Variants in TRPV3 observed in about 807,000 individuals in gnomAD.
TRPV3 encodes transient receptor potential cation channel subfamily V member 3.
TRPV3 carries 88 observed loss-of-function variants against 87.1 expected under a neutral mutation model. The observed-to-expected ratio is 1.01, with a 90% CI of 0.85 to 1.21. The LOEUF (loss-of-function observed/expected upper bound fraction) is 1.21. TRPV3 is among the 50% of genes most tolerant of loss of function. The probability of loss-of-function intolerance (pLI) is 0.00; values close to 1 mark genes in which losing one functional copy is unlikely to be tolerated. For missense variants in TRPV3, 1,054 were observed against 1,030.1 expected (o/e 1.02, Z -0.32); for synonymous variants, 438 against 423.3 (o/e 1.03, Z -0.43).
chr17:3,544,946 G>A (rs2074509896), intron 3 of TRPV3, among the ~76,000 whole-genome samples: 1 of 152,298 alleles, frequency 6.6e-6, no homozygotes, highest in African/African-American at 2.4e-5. Context: ...CCTGGGAGGT[G>A]GAGGCTGCAG....
At position 3,512,251 on chromosome 17, in the gene TRPV3, C is replaced by T. The variant is rs1030433803; in HGVS notation, c.*1666G>A. The T allele has an allele frequency of 6.6e-6, 1 of 152,306 alleles. No individual in the cohort carries two copies. The highest frequency in any genetic ancestry group is 2.4e-5 in the African/African-American group (1 of 41,462). The allele number at this position is 152,306 out of a possible 1,614,324, so 9.4% of individuals were successfully genotyped here. ...TCCAGAGGCCCATGCCCAGCCCCGA[C>T]CACTGTGGCTTAGAGCACGCGATTA... On this transcript the variant is annotated 3_prime_UTR_variant, in exon 18 of 18. Transcript: ENST00000576742.
chr17:3,527,321 C>T (rs934297524), intron 11 of TRPV3, among the ~76,000 whole-genome samples: 5 of 152,304 alleles, frequency 3.3e-5, no homozygotes, highest in African/African-American at 1.2e-4. Flanking sequence ...TCCTACCCCA[C>T]CAGAGTAAGT....
At chr17:3,525,272 G>A (rs530491076) in intron 12 of TRPV3, among the ~76,000 whole-genome samples, 18 of 152,104 alleles carry the variant, frequency 1.2e-4, no homozygotes, top group East Asian at 3.8e-4. Flanking sequence ...CACCCACCTC[G>A]GCCTCCCAAA....
At chr17:3,516,782 G>A (rs545327568) in intron 15 of TRPV3, among the ~76,000 whole-genome samples, 2 of 152,346 alleles carry the variant, frequency 1.3e-5, no homozygotes, top group African/African-American at 2.4e-5. Flanking sequence ...GCCAAGGTGC[G>A]TGGATCACCT....
intron 1 of TRPV3, 32 bp from the exon 2 acceptor site, chr17:3,554,884 C>T: frequency 1.3e-6 from 2 of 1,508,500 alleles, no homozygotes; most frequent in Admixed American, 1.8e-5. Flanking sequence ...GATGCTCAGG[C>T]CGGGGGGACA....
At position 3,513,556 on chromosome 17, in the gene TRPV3, G is replaced by A. The variant is rs1284579492; in HGVS notation, c.*361C>T. 1.0e-5 allele frequency: 2 copies of A among 197,448 alleles called. No homozygotes were observed. Among genetic ancestry groups the A allele is most frequent in the African/African-American group, 2.3e-5 (1 of 43,308 alleles). The allele number at this position is 197,448 out of a possible 1,614,324, so 12.2% of individuals were successfully genotyped here. On this transcript the variant is annotated 3_prime_UTR_variant, in exon 18 of 18. Transcript: ENST00000576742. ...GGCAGGAGGAAAGACTCCTCTCCCT[G>A]CTCCTCAAGACTGCTGCCCCTTTCC...
At chr17:3,526,738 G>A in intron 12 of TRPV3, 116 bp downstream of exon 12, 1 of 800,362 alleles carries the variant, frequency 1.2e-6, no homozygotes, top group Non-Finnish European at 2.1e-6. Context: ...CCATGGCAGA[G>A]TGACTGGGAC....
rs2074335707 is a variant in TRPV3, at chr17:3,530,108, G to A, written c.1161C>T (p.Ser387=). The A allele has an allele frequency of 2.5e-6, 4 of 1,614,176 alleles. No homozygotes were observed. The highest frequency in any genetic ancestry group is 3.4e-6 in the Non-Finnish European group (4 of 1,180,002). The stretch of plus-strand genomic sequence containing the variant: ...CCACGTTGGTGAGGTCGTAGAGGGA[G>A]GATGACACGGGTCCGTACGCCCAGT... ...FTDWAYGPVS[S]SLYDLTNVDT... The change falls in exon 9 of 18, where the codon TCC becomes TCT. Residue 387 remains serine (S), a synonymous_variant. Coordinates refer to ENST00000576742, the MANE Select transcript of TRPV3 (RefSeq NM_145068.4). This position sits in a 1 kb window ranked among gnomAD's most constrained non-coding sequence, Gnocchi z 4.0.
intron 14 of TRPV3, among the ~76,000 whole-genome samples, chr17:3,520,721 C>T (rs2074237808): frequency 6.6e-6 from 1 of 152,106 alleles, no homozygotes; most frequent in Non-Finnish European, 1.5e-5. Flanking sequence ...TTAATGGGTG[C>T]AGCATACCAA....
chr17:3,528,010 G>A lies in TRPV3; in HGVS notation c.1503+15C>T, dbSNP rs369415284. On this transcript the variant is annotated intron_variant, in intron 11 of 17. Transcript: ENST00000576742. This position sits in a 1 kb window ranked among gnomAD's most constrained non-coding sequence, Gnocchi z 4.2. Reference sequence around the variant, plus strand: ...CCTCGCGGGGCGGTCTGGAAGGGCCGGGTGGCCCACTTACCTCTTTCACAG... The same window carrying A: ...CCTCGCGGGGCGGTCTGGAAGGGCCAGGTGGCCCACTTACCTCTTTCACAG... The A allele has an allele frequency of 4.3e-4, 695 of 1,598,836 alleles. No individual in the cohort carries two copies. Among genetic ancestry groups the A allele is most frequent in the Non-Finnish European group, 5.4e-4 (631 of 1,167,584 alleles).
intron 2 of TRPV3, among the ~76,000 whole-genome samples, chr17:3,547,717 G>T (rs568727917): frequency 6.6e-6 from 1 of 152,322 alleles, no homozygotes; most frequent in East Asian, 1.9e-4. Context: ...AGGCGGTGGA[G>T]GGGGGCAGCG....
At chr17:3,526,170 C>T (rs1167936715) in intron 12 of TRPV3, among the ~76,000 whole-genome samples, 1 of 152,134 alleles carries the variant, frequency 6.6e-6, no homozygotes, top group East Asian at 1.9e-4. Context: ...TCCCTCCACA[C>T]TAACAAAACA....
chr17:3,528,807 C>T lies in TRPV3; in HGVS notation c.1401+30G>A. On this transcript the variant is annotated intron_variant, in intron 10 of 17. Coordinates refer to ENST00000576742, the MANE Select transcript of TRPV3 (RefSeq NM_145068.4). This position sits in a 1 kb window ranked among gnomAD's most constrained non-coding sequence, Gnocchi z 4.2. ...CCAAGCCCCTCCAGCTCTGACGGCCCCATTTTCCCCCTCCAAGGGGCCCAC... is the reference window on the plus strand; with the variant it reads ...CCAAGCCCCTCCAGCTCTGACGGCCTCATTTTCCCCCTCCAAGGGGCCCAC... 3 of 1,613,170 alleles carry T rather than the reference C, an allele frequency of 1.9e-6. No individual in the cohort carries two copies. The highest frequency in any genetic ancestry group is 2.5e-6 in the Non-Finnish European group (3 of 1,179,522).
rs1243496535 is a variant in TRPV3 at position 3,557,480 on chromosome 17, ACAGCCAAGAGTG to A, written c.-3+184_-3+195del. Among the ~76,000 whole-genome samples the A allele has an allele frequency of 5.9e-5, 9 of 152,280 alleles. No individual in the cohort carries two copies. The highest frequency in any genetic ancestry group is 2.6e-4 in the Admixed American group (4 of 15,304). On this transcript the variant is annotated intron_variant, in intron 1 of 17. Coordinates refer to ENST00000576742, the MANE Select transcript of TRPV3 (RefSeq NM_145068.4). This position sits in a 1 kb window ranked among gnomAD's most constrained non-coding sequence, Gnocchi z 4.5. ...AGGACCTATATTCTCACACATCCCTACAGCCAAGAGTGCAGCCAAGAGTGCCTCCCTACAGCC... is the reference window on the plus strand; with the variant it reads ...AGGACCTATATTCTCACACATCCCTACAGCCAAGAGTGCCTCCCTACAGCC...
chr17:3,546,041 G>A (rs1310143241), intron 2 of TRPV3, among the ~76,000 whole-genome samples: 3 of 151,626 alleles, frequency 2.0e-5, no homozygotes, highest in African/African-American at 7.3e-5. Flanking sequence ...CCACGTTCTT[G>A]TGAGGCTTCG....
rs73971805 is a variant in TRPV3 at position 3,528,002 on chromosome 17, G to A, written c.1503+23C>T. 4,247 of 1,588,038 alleles carry A rather than the reference G, an allele frequency of 2.7e-3. 86 individuals carry two copies. In the African/African-American group the frequency reaches 0.049, roughly 18 times the overall value. On this transcript the variant is annotated intron_variant, in intron 11 of 17. Transcript: ENST00000576742. This position sits in a 1 kb window ranked among gnomAD's most constrained non-coding sequence, Gnocchi z 4.2. ...CCTGCCTGCCTCGCGGGGCGGTCTGGAAGGGCCGGGTGGCCCACTTACCTC... is the reference window on the plus strand; with the variant it reads ...CCTGCCTGCCTCGCGGGGCGGTCTGAAAGGGCCGGGTGGCCCACTTACCTC...
chr17:3,554,715 G>A lies in TRPV3; in HGVS notation c.119+17C>T, dbSNP rs375468798. ...CTCACAGTGCCGCAGTCCGTGTCCCGAGCTCTCCAAACCCACCTCTTCTTT... is the reference window on the plus strand; with the variant it reads ...CTCACAGTGCCGCAGTCCGTGTCCCAAGCTCTCCAAACCCACCTCTTCTTT... On this transcript the variant is annotated intron_variant, in intron 2 of 17. Transcript: ENST00000576742. 4.9e-5 allele frequency: 77 copies of A among 1,570,438 alleles called. No homozygotes were observed. Among genetic ancestry groups the A allele is most frequent in the Middle Eastern group, 1.7e-4 (1 of 5,962 alleles).
At chr17:3,525,719 A>C (rs1364908817) in intron 12 of TRPV3, among the ~76,000 whole-genome samples, 1 of 151,340 alleles carries the variant, frequency 6.6e-6, no homozygotes, top group African/African-American at 2.4e-5. Context: ...TCCCTGGTTC[A>C]AGCAATTCTC....
In TRPV3 at chr17:3,528,726, G is replaced by T. The variant is rs998787745; in HGVS notation, c.1401+111C>A. Reference sequence around the variant, plus strand: ...GCGTGAAGGACAACTGGGGGACCCCGCCCAATCTCCTGGTCTCTCTGGGCC... The same window carrying T: ...GCGTGAAGGACAACTGGGGGACCCCTCCCAATCTCCTGGTCTCTCTGGGCC... On this transcript the variant is annotated intron_variant, in intron 10 of 17. Transcript: ENST00000576742. The surrounding 1 kb of genome is among the most constrained non-coding windows in gnomAD (Gnocchi z 4.2). 5.3e-6 allele frequency: 7 copies of T among 1,320,618 alleles called. No homozygotes were observed. Among genetic ancestry groups the T allele is most frequent in the Non-Finnish European group, 6.2e-6 (6 of 962,848 alleles). 81.8% of individuals were successfully genotyped at this position (1,320,618 alleles called of 1,614,324 possible).
Sources: gnomAD v4.1 joint callset for allele counts (sites outside exome capture counted in the v4.1 genomes callset) on GRCh38, gnomAD v4.1.1 for gene constraint, Gnocchi (gnomAD v3.1) non-coding constraint, MANE v1.5 for transcripts, NCBI Gene and HGNC (gene_info 2026-07-23, HGNC 2026-07-21) for gene names.